Variants in HS6ST2 observed in about 807,000 individuals in gnomAD.
The protein encoded by HS6ST2 is heparan-sulfate 6-O-sulfotransferase 2.
Under a neutral mutation model 33.0 loss-of-function variants are expected in HS6ST2, and 17 were observed. That is an observed-to-expected ratio of 0.52 (90% CI 0.35 to 0.77). The LOEUF is 0.77. Ranked by LOEUF, HS6ST2 falls within the 30% of genes least tolerant of loss-of-function variation. HS6ST2 has a pLI of 0.01. For synonymous variants in HS6ST2, 248 were observed against 237.1 expected (o/e 1.05, Z -0.42); for missense variants, 519 against 551.7 (o/e 0.94, Z 0.59).
At chrX:132,945,003 T>C (rs1190306193) in intron 2 of HS6ST2, among the ~76,000 whole-genome samples, 3 of 111,739 alleles carry the variant, frequency 2.7e-5, no homozygotes, top group African/African-American at 6.5e-5. Context: ...AATTCACAAA[T>C]GATATCTAAT....
At chrX:132,722,285 A>G (rs1242935469) in intron 2 of HS6ST2, among the ~76,000 whole-genome samples, 1 of 111,677 alleles carries the variant, frequency 9.0e-6, no homozygotes, top group Non-Finnish European at 1.9e-5. Flanking sequence ...GCAGAAATAA[A>G]TGCAATGTAA....
chrX:132,899,257 C>T (rs1005488235), intron 2 of HS6ST2, among the ~76,000 whole-genome samples: 2 of 111,790 alleles, frequency 1.8e-5, no homozygotes, highest in Non-Finnish European at 3.8e-5. Flanking sequence ...AATTATCAGA[C>T]ATGCAAAGAA....
chrX:132,957,325 C>A lies in HS6ST2; in HGVS notation c.430G>T (p.Val144Phe). Residue 144 changes from valine (V) to phenylalanine (F), a missense_variant and splice_region_variant, in exon 2 of 5, where the codon GTC becomes TTC. Transcript: ENST00000370833. ...FSKIFGPMAS[V>F]GNMDEKSNKL... ...TTGGATTTCTCATCCATGTTCCCGACGCTGGGGGAAACCCAAGCTCGTTAC... is the reference window on the plus strand; with the variant it reads ...TTGGATTTCTCATCCATGTTCCCGAAGCTGGGGGAAACCCAAGCTCGTTAC... 8.7e-7 allele frequency: 1 copy of A among 1,155,510 alleles called. No homozygotes were observed. Among genetic ancestry groups the A allele is most frequent in the Non-Finnish European group, 1.2e-6 (1 of 866,991 alleles).
chrX:132,706,686 A>G (rs751702892), intron 3 of HS6ST2, among the ~76,000 whole-genome samples: 1 of 112,362 alleles, frequency 8.9e-6, no homozygotes, highest in South Asian at 3.7e-4. Context: ...ACAACTAAAA[A>G]ATAGCAAGTA....
rs752461782 is a variant in HS6ST2, at chrX:132,691,757, T to C, written c.980+16705A>G. Among the ~76,000 whole-genome samples, 4 of 112,089 alleles carry C rather than the reference T, an allele frequency of 3.6e-5. No individual in the cohort carries two copies. The South Asian group carries it at 1.5e-3, about 42-fold the overall frequency. Reference sequence around the variant, plus strand: ...ATTCTTTATCTTGAAATCCAGGCAGTTTCTCCCCAGTTCTGTTAAAAATAA... The same window carrying C: ...ATTCTTTATCTTGAAATCCAGGCAGCTTCTCCCCAGTTCTGTTAAAAATAA... On this transcript the variant is annotated intron_variant, in intron 3 of 4. Coordinates refer to ENST00000370833, the MANE Select transcript of HS6ST2 (RefSeq NM_001394073.1).
chrX:132,893,775 A>G (rs1231576330), intron 2 of HS6ST2, among the ~76,000 whole-genome samples: 1 of 111,435 alleles, frequency 9.0e-6, no homozygotes, highest in African/African-American at 3.3e-5. Flanking sequence ...GAATGCCACT[A>G]AACAGGGTGT....
At chrX:132,661,327 A>T (rs1237046234) in intron 4 of HS6ST2, among the ~76,000 whole-genome samples, 1 of 111,195 alleles carries the variant, frequency 9.0e-6, no homozygotes, top group Non-Finnish European at 1.9e-5. Flanking sequence ...CAAAAAAAAA[A>T]AAGCTCCTAA....
chrX:132,955,896 C>G (rs982792706), intron 2 of HS6ST2, among the ~76,000 whole-genome samples: 1 of 112,779 alleles, frequency 8.9e-6, no homozygotes, highest in African/African-American at 3.2e-5. Flanking sequence ...AGAACATGGG[C>G]TGGCAGCGCC....
intron 2 of HS6ST2, among the ~76,000 whole-genome samples, chrX:132,759,297 G>C (rs1038432676): frequency 1.8e-5 from 2 of 111,937 alleles, no homozygotes; most frequent in African/African-American, 6.5e-5. Context: ...AGTAATTTCT[G>C]TGTTGGCCTG....
intron 2 of HS6ST2, among the ~76,000 whole-genome samples, chrX:132,849,218 C>T (rs561312628): frequency 9.0e-4 from 100 of 111,283 alleles, no homozygotes; most frequent in Non-Finnish European, 1.5e-3. Flanking sequence ...TTAGGCAACA[C>T]AGCATATTAA....
At chrX:132,723,822 A>G (rs886269695) in intron 2 of HS6ST2, among the ~76,000 whole-genome samples, 6 of 112,169 alleles carry the variant, frequency 5.3e-5, no homozygotes, top group African/African-American at 1.9e-4. Flanking sequence ...CCTAGCTAGC[A>G]TAATCAGACA....
At chrX:132,664,648 C>T (rs2063797277) in intron 4 of HS6ST2, among the ~76,000 whole-genome samples, 1 of 111,596 alleles carries the variant, frequency 9.0e-6, no homozygotes, top group Non-Finnish European at 1.9e-5. Flanking sequence ...GTGCTTAATT[C>T]AACATTTATA....
intron 2 of HS6ST2, among the ~76,000 whole-genome samples, chrX:132,948,965 C>T (rs2066982714): frequency 8.9e-6 from 1 of 111,813 alleles, no homozygotes; most frequent in African/African-American, 3.3e-5. Flanking sequence ...AGATTATGCA[C>T]CTCACTATAT....
chrX:132,907,899 C>T (rs191880668), intron 2 of HS6ST2, among the ~76,000 whole-genome samples: 122 of 111,803 alleles, frequency 1.1e-3, no homozygotes, highest in African/African-American at 3.8e-3. Context: ...AAAACACAAA[C>T]AACAAAAGAA....
Position 132,628,313 on chromosome X carries a change from T to C in HS6ST2, c.1848A>G (p.Glu616=), listed in dbSNP as rs1179664032. ...TQSLSQKENR[E]SPKQNSGKEQ... ...CCTTGCCTGAGTTCTGCTTCGGGCT[T>C]TCCCGGTTCTCCTTCTGGCTCAAAC... Residue 616 remains glutamate (E), a synonymous_variant, in exon 5 of 5, where the codon GAA becomes GAG. Transcript: ENST00000370833. 8.6e-7 allele frequency: 1 copy of C among 1,167,977 alleles called. No individual in the cohort carries two copies. The highest frequency in any genetic ancestry group is 3.2e-5 in the East Asian group (1 of 30,799).
At chrX:132,719,712 C>T (rs748098316) in intron 2 of HS6ST2, among the ~76,000 whole-genome samples, 5 of 112,150 alleles carry the variant, frequency 4.5e-5, no homozygotes, top group Non-Finnish European at 9.4e-5. Flanking sequence ...TTCACATGTC[C>T]ATTTTTTTGC....
intron 3 of HS6ST2, among the ~76,000 whole-genome samples, chrX:132,694,442 T>C (rs1221936541): frequency 9.0e-6 from 1 of 111,255 alleles, no homozygotes; most frequent in African/African-American, 3.3e-5. Context: ...CTGGTATATT[T>C]AAGGTAAAGC....
At chrX:132,729,835 TC>T (rs113185106) in intron 2 of HS6ST2, among the ~76,000 whole-genome samples, 53,963 of 108,990 alleles carry the variant, frequency 0.5, 10,035 homozygotes, top group Middle Eastern at 0.58. Flanking sequence ...CTCTTTGAGG[TC>T]CTCAGTCATT....
At chrX:132,702,352 T>C (rs2064151781) in intron 3 of HS6ST2, among the ~76,000 whole-genome samples, 1 of 112,480 alleles carries the variant, frequency 8.9e-6, no homozygotes, top group Non-Finnish European at 1.9e-5. Context: ...ATGCACTGAG[T>C]AATCAAGTAA....
Sources: gnomAD v4.1 joint callset for allele counts (sites outside exome capture counted in the v4.1 genomes callset) on GRCh38, gnomAD v4.1.1 for gene constraint, MANE v1.5 for transcripts, NCBI Gene and HGNC (gene_info 2026-07-23, HGNC 2026-07-21) for gene names.